DENND1C: variants seen among roughly 807,000 people sequenced by gnomAD.
DENND1C encodes the protein DENN domain-containing protein 1C.
A neutral mutation model predicts 87.9 loss-of-function variants in DENND1C; 64 were observed. The ratio of observed to expected loss-of-function variants is 0.73; its 90% CI spans 0.60 to 0.90. The LOEUF is 0.90. Ranked by LOEUF, DENND1C falls within the 40% of genes least tolerant of loss-of-function variation. The probability of loss-of-function intolerance (pLI) is 0.00; values close to 1 mark genes in which losing one functional copy is unlikely to be tolerated. For missense variants in DENND1C, 980 were observed against 1,037.0 expected, an observed-to-expected ratio of 0.95 and a Z score of 0.76; for synonymous variants, 384 against 424.4, an observed-to-expected ratio of 0.90 and a Z score of 1.17.
rs1332916103 is a variant in DENND1C at position 6,469,647 on chromosome 19, A to AGGAGTG, written c.1363-13_1363-8dup. On this transcript the variant is annotated splice_region_variant and splice_polypyrimidine_tract_variant and intron_variant, in intron 18 of 22. Coordinates refer to ENST00000381480, the MANE Select transcript of DENND1C (RefSeq NM_024898.4). ...CCTTCAAGCCACTCTTGGCCTATAA[A>AGGAGTG]GGAGTGGACAGAGAATTACCCAAGG... The AGGAGTG allele has an allele frequency of 2.5e-6, 4 of 1,603,698 alleles. No individual in the cohort carries two copies. Among genetic ancestry groups the AGGAGTG allele is most frequent in the Non-Finnish European group, 3.4e-6 (4 of 1,175,030 alleles).
Position 6,472,922 on chromosome 19 carries a change from G to T in DENND1C, c.1125C>A (p.His375Gln), listed in dbSNP as rs781370757. 6.3e-7 allele frequency: 1 copy of T among 1,592,276 alleles called. No individual in the cohort carries two copies. The highest frequency in any genetic ancestry group is 8.5e-7 in the Non-Finnish European group (1 of 1,170,438). The change falls in exon 15 of 23, where the codon CAC becomes CAA. Residue 375 changes from histidine to glutamine, a missense_variant. By Grantham distance (24) the His-to-Gln change is conservative (BLOSUM62 0). Transcript: ENST00000381480. ...ACAGCTGCAGGTGCACAGCCCGCCG[G>T]TGGAAGGCCTGCAGAGGTGCCCCAG... The part of the protein sequence containing the change: ...QKPGAPLQAF[H>Q]RRAVHLQLFK...
chr19:6,475,361 C>T lies in DENND1C; in HGVS notation c.966G>A (p.Leu322=). The T allele has an allele frequency of 6.2e-7, 1 of 1,612,404 alleles. No homozygotes were observed. The highest frequency in any genetic ancestry group is 1.1e-5 in the South Asian group (1 of 90,990). ...GACGGGACACCCCTTCCCCGGGGGC[C>T]AGGGCGACCTTCCTGAGCCGGAGCC... ...LLRLRLRKVA[L]APGEGVSRLF... The change falls in exon 14 of 23, where the codon CTG becomes CTA. Residue 322 remains leucine, a synonymous_variant. Coordinates refer to ENST00000381480, the MANE Select transcript of DENND1C (RefSeq NM_024898.4).
At chr19:6,473,472 T>G (rs1475732164) in intron 14 of DENND1C, among the ~76,000 whole-genome samples, 1 of 149,042 alleles carries the variant, frequency 6.7e-6, no homozygotes, top group Non-Finnish European at 1.5e-5. Context: ...TTTTTTTTTT[T>G]TTTCATTTCT....
In DENND1C at chr19:6,476,075, C is replaced by T. The variant is rs1035901942; in HGVS notation, c.679-138G>A. 3 of 831,136 alleles carry T rather than the reference C, an allele frequency of 3.6e-6. No homozygotes were observed. In the African/African-American group the frequency reaches 5.2e-5, roughly 15 times the overall value. The allele number at this position is 831,136 out of a possible 1,614,324, so 51.5% of individuals were successfully genotyped here. A position where few individuals can be genotyped will look rare whatever the true frequency, so the allele number is the denominator to read the frequency against. On this transcript the variant is annotated intron_variant, in intron 10 of 22. Coordinates refer to ENST00000381480, the MANE Select transcript of DENND1C (RefSeq NM_024898.4). ...TGGATAATGAGTGACAACTCGAACCCCTTTAGAAATCATGTGGAGACCAGG... is the reference window on the plus strand; with the variant it reads ...TGGATAATGAGTGACAACTCGAACCTCTTTAGAAATCATGTGGAGACCAGG...
intron 14 of DENND1C, among the ~76,000 whole-genome samples, chr19:6,473,398 C>T (rs567440165): frequency 1.6e-4 from 24 of 151,414 alleles, no homozygotes; most frequent in Non-Finnish European, 1.8e-4. Context: ...CGTGATCCAC[C>T]CACCTCGGCC....
chr19:6,468,770 T>C, intron 20 of DENND1C, 76 bp downstream of exon 20: 2 of 1,408,380 alleles, frequency 1.4e-6, no homozygotes, highest in Non-Finnish European at 1.9e-6. Flanking sequence ...AGGTGAGATG[T>C]CTGGATGGGG....
chr19:6,475,548 A>C lies in DENND1C; in HGVS notation c.863T>G (p.Leu288Arg). The C allele has an allele frequency of 6.2e-7, 1 of 1,614,002 alleles. No homozygotes were observed. The highest frequency in any genetic ancestry group is 1.1e-5 in the South Asian group (1 of 91,086). The change falls in exon 13 of 23, where the codon CTG (leucine) becomes CGG (arginine). Residue 288 changes from leucine to arginine, a missense_variant. Transcript: ENST00000381480. ...REKALEDVVV[L>R]NVDANTLETT... is the part of the protein sequence containing the mutation. The stretch of plus-strand genomic sequence containing the variant: ...CTCCAAGGTATTGGCGTCCACGTTC[A>C]GCACCACGACGTCCTCCAGGGCTTT...
chr19:6,477,630 A>C, intron 6 of DENND1C, 172 bp from the exon 7 acceptor site: 3 of 223,070 alleles, frequency 1.3e-5, no homozygotes, highest in East Asian at 7.6e-5. Flanking sequence ...AATAATAATA[A>C]TAGAGACAAA....
In DENND1C at chr19:6,475,589, C is replaced by A. The variant is rs373420359; in HGVS notation, c.826-4G>T. 9 of 1,613,980 alleles carry A rather than the reference C, an allele frequency of 5.6e-6. No individual in the cohort carries two copies. Among genetic ancestry groups the A allele is most frequent in the Non-Finnish European group, 7.6e-6 (9 of 1,179,854 alleles). ...CCAGGGCTTTTTCTCGTACTCTCTG[C>A]GGAAAAGCGGGGTCGGCCGCTCAGA... On this transcript the variant is annotated splice_region_variant and splice_polypyrimidine_tract_variant and intron_variant, in intron 12 of 22. Coordinates refer to ENST00000381480, the MANE Select transcript of DENND1C (RefSeq NM_024898.4).
At position 6,475,481 on chromosome 19, in the gene DENND1C, G is replaced by A; in HGVS notation, c.927+3C>T. The A allele has an allele frequency of 6.2e-7, 1 of 1,613,872 alleles. No homozygotes were observed. Among genetic ancestry groups the A allele is most frequent in the Non-Finnish European group, 8.5e-7 (1 of 1,179,866 alleles). On this transcript the variant is annotated splice_donor_region_variant and intron_variant, in intron 13 of 22. Transcript: ENST00000381480. ...GCAGGAAGGTGGGAGGGGCGACACT[G>A]ACCACGTCTGGAGGCAGCGCCTGCA... is the stretch of plus-strand genomic sequence containing the variant.
chr19:6,479,439 G>T (rs78470218), intron 4 of DENND1C, among the ~76,000 whole-genome samples: 5 of 132,378 alleles, frequency 3.8e-5, no homozygotes, highest in African/African-American at 2.1e-4. Context: ...TGGGTCCCTG[G>T]GTCCCTGGGT....
intron 16 of DENND1C, 30 bp downstream of exon 16, chr19:6,471,376 G>T (rs1349234937): frequency 6.3e-7 from 1 of 1,582,862 alleles, no homozygotes; most frequent in Non-Finnish European, 8.6e-7. Context: ...GCGGGTAGTG[G>T]GGGACCCAGG....
chr19:6,478,460 C>T (rs1000468877), intron 6 of DENND1C, among the ~76,000 whole-genome samples: 2 of 145,370 alleles, frequency 1.4e-5, no homozygotes, highest in South Asian at 4.3e-4. Flanking sequence ...TTCACCATGT[C>T]GGTCAGGCCG....
chr19:6,470,176 T>G (rs985099501), intron 18 of DENND1C, 119 bp downstream of exon 18: 30 of 959,812 alleles, frequency 3.1e-5, no homozygotes, highest in Admixed American at 1.1e-4. Context: ...TCTGATTAAA[T>G]CATTTGTGTT....
At chr19:6,478,317 C>G (rs1217349639) in intron 6 of DENND1C, among the ~76,000 whole-genome samples, 1 of 152,204 alleles carries the variant, frequency 6.6e-6, no homozygotes, top group Non-Finnish European at 1.5e-5. Context: ...GATCTCGGCT[C>G]ACTGCCACTT....
At position 6,467,695 on chromosome 19, in the gene DENND1C, A is replaced by G; in HGVS notation, c.2215T>C (p.Ser739Pro). 2.0e-6 allele frequency: 3 copies of G among 1,519,752 alleles called. No homozygotes were observed. Among genetic ancestry groups the G allele is most frequent in the Non-Finnish European group, 2.6e-6 (3 of 1,136,362 alleles). 94.1% of individuals were successfully genotyped at this position (1,519,752 alleles called of 1,614,324 possible). A position where few individuals can be genotyped will look rare whatever the true frequency, so the allele number is the denominator to read the frequency against. ...AWTSQPLDPS[S>P]DPSSLEDPRA... is the part of the protein sequence containing the mutation. ...GGGTCCTCCAGAGAACTGGGGTCTG[A>G]GGAAGGATCAAGGGGCTGGGACGTC... is the stretch of plus-strand genomic sequence containing the variant. The change falls in exon 23 of 23, where the codon TCA (serine) becomes CCA (proline). Residue 739 changes from serine (S) to proline (P), a missense_variant. Physicochemically the swap from Ser to Pro is moderately conservative, Grantham distance 74. Transcript: ENST00000381480.
In DENND1C at chr19:6,467,760, T is replaced by C; in HGVS notation, c.2150A>G (p.Gln717Arg). The C allele has an allele frequency of 6.6e-7, 1 of 1,520,582 alleles. No individual in the cohort carries two copies. Among genetic ancestry groups the C allele is most frequent in the Non-Finnish European group, 8.8e-7 (1 of 1,137,050 alleles). 94.2% of individuals were successfully genotyped at this position (1,520,582 alleles called of 1,614,324 possible). A position where few individuals can be genotyped will look rare whatever the true frequency, so the allele number is the denominator to read the frequency against. Residue 717 changes from glutamine (Q) to arginine (R), a missense_variant, in exon 23 of 23, where the codon CAA becomes CGA. Transcript: ENST00000381480. ...PTEPSPPESP[Q>R]ILAPTKPNFD... ...GTTGGGCTTTGTGGGGGCCAGAATT[T>C]GGGGGCTTTCTGGAGGGCTGGGCTC...
At chr19:6,480,150 A>AGGTGC in intron 1 of DENND1C, 99 bp from the exon 2 acceptor site, 1 of 1,525,974 alleles carries the variant, frequency 6.6e-7, no homozygotes, top group Admixed American at 2.0e-5. Flanking sequence ...ATGTGCCACA[A>AGGTGC]GGTGCGTCGG....
In DENND1C at chr19:6,476,953, C is replaced by G. The variant is rs778585135; in HGVS notation, c.582G>C (p.Glu194Asp). The change falls in exon 10 of 23, where the codon GAG becomes GAC. Residue 194 changes from glutamate (E) to aspartate (D), a missense_variant. Glu to Asp is a conservative substitution (Grantham distance 45). Transcript: ENST00000381480. ...PSIPENRNLTELVVAVTDENI... is the reference protein window; with the variant it reads ...PSIPENRNLTDLVVAVTDENI... ...TCTCGTCAGTCACGGCCACCACCAG[C>G]TCCGTTAGGTTCCTCTGAGGATCAG... 6.2e-7 allele frequency: 1 copy of G among 1,613,706 alleles called. No homozygotes were observed. The highest frequency in any genetic ancestry group is 2.2e-5 in the East Asian group (1 of 44,864).
Sources: allele counts gnomAD v4.1 joint callset (sites outside exome capture counted in the v4.1 genomes callset), GRCh38; gene constraint gnomAD v4.1.1; transcripts MANE v1.5; gene names NCBI Gene and HGNC (gene_info 2026-07-23, HGNC 2026-07-21).